Variants in PAPPA observed in about 807,000 individuals in gnomAD.
The protein encoded by PAPPA is pappalysin 1.
A neutral mutation model predicts 164.0 loss-of-function variants in PAPPA; 60 were observed. That is an observed-to-expected ratio of 0.37 (90% CI 0.30 to 0.45). The LOEUF is 0.45. Among genes scored for constraint, PAPPA ranks in the 20% least tolerant of loss-of-function variants. The pLI is 1.00. For missense variants in PAPPA, 1,782 were observed against 2,087.3 expected (o/e 0.85, Z 2.85); for synonymous variants, 875 against 814.1 (o/e 1.07, Z -1.27).
At chr9:116,338,601 G>A (rs190878600) in intron 13 of PAPPA, among the ~76,000 whole-genome samples, 164 of 152,262 alleles carry the variant, frequency 1.1e-3, no homozygotes, top group African/African-American at 3.7e-3. Flanking sequence ...TGCTCAGATC[G>A]CTGCCATAAC....
chr9:116,363,746 C>T (rs1281960525), intron 18 of PAPPA, among the ~76,000 whole-genome samples: 1 of 152,182 alleles, frequency 6.6e-6, no homozygotes, highest in Non-Finnish European at 1.5e-5. Flanking sequence ...TGATCTTCAT[C>T]CAGCAAACAG....
At chr9:116,204,333 A>C (rs566571114) in intron 2 of PAPPA, among the ~76,000 whole-genome samples, 1 of 152,186 alleles carries the variant, frequency 6.6e-6, no homozygotes, top group East Asian at 1.9e-4. Context: ...CAACTTGCCC[A>C]TAGATATAGG....
At chr9:116,353,826 G>A in intron 17 of PAPPA, 33 bp downstream of exon 17, 1 of 1,564,214 alleles carries the variant, frequency 6.4e-7, no homozygotes, top group African/African-American at 1.4e-5. Context: ...TTGATACCAT[G>A]GTCCCTTTCC....
At chr9:116,365,112 T>C (rs963259942) in intron 18 of PAPPA, among the ~76,000 whole-genome samples, 4 of 152,200 alleles carry the variant, frequency 2.6e-5, no homozygotes, top group African/African-American at 9.6e-5. Flanking sequence ...CCTCCCAGGC[T>C]GAGCCCTTCC....
intron 17 of PAPPA, among the ~76,000 whole-genome samples, chr9:116,360,569 A>G (rs371427452): frequency 6.6e-6 from 1 of 152,114 alleles, no homozygotes; most frequent in South Asian, 2.1e-4. Flanking sequence ...TCATACATTC[A>G]TTCATAATTT....
At chr9:116,224,660 A>G (rs569150049) in intron 5 of PAPPA, among the ~76,000 whole-genome samples, 1 of 152,362 alleles carries the variant, frequency 6.6e-6, no homozygotes, top group South Asian at 2.1e-4. Flanking sequence ...CTAAGATTAT[A>G]GCCATTAGCC....
At position 116,398,447 on chromosome 9, in the gene PAPPA, C is replaced by T. The variant is rs1451332906; in HGVS notation, c.*1831C>T. The T allele has an allele frequency of 7.5e-6, 4 of 531,130 alleles. No homozygotes were observed. The highest frequency in any genetic ancestry group is 8.7e-6 in the Non-Finnish European group (3 of 344,590). 32.9% of individuals were successfully genotyped at this position (531,130 alleles called of 1,614,324 possible). A position where few individuals can be genotyped will look rare whatever the true frequency, so the allele number is the denominator to read the frequency against. ...TGCAGCCCCACCTAATTCCTGCATC[C>T]AAGGCAGGTGTTGTTAATCTATCAT... is the stretch of plus-strand genomic sequence containing the variant. On this transcript the variant is annotated 3_prime_UTR_variant, in exon 22 of 22. Transcript: ENST00000328252.
intron 1 of PAPPA, among the ~76,000 whole-genome samples, chr9:116,163,111 G>C (rs926031674): frequency 3.9e-5 from 6 of 152,324 alleles, no homozygotes; most frequent in Non-Finnish European, 8.8e-5. Flanking sequence ...CTTGAGGACA[G>C]ACCAGTCAAC....
Position 116,271,835 on chromosome 9 carries a change from G to T in PAPPA, c.2953+419G>T, listed in dbSNP as rs868480476. On this transcript the variant is annotated intron_variant, in intron 9 of 21. Transcript: ENST00000328252. The surrounding 1 kb of genome is among the most constrained non-coding windows in gnomAD (Gnocchi z 4.2). The stretch of plus-strand genomic sequence containing the variant: ...TTGTCCAGAGTTATACAGGTCAAAA[G>T]TGATTAAAGACAGAATCAGGACTTG... Among the ~76,000 whole-genome samples the T allele has an allele frequency of 2.0e-5, 3 of 152,172 alleles. No individual in the cohort carries two copies. The highest frequency in any genetic ancestry group is 4.1e-4 in the South Asian group (2 of 4,824).
intron 10 of PAPPA, among the ~76,000 whole-genome samples, chr9:116,308,318 A>G (rs7046553): frequency 0.096 from 14,658 of 152,236 alleles, 764 homozygotes; most frequent in South Asian, 0.15. Flanking sequence ...CTCAGCCAGT[A>G]GTGATGAGAG....
At chr9:116,363,705 GA>G (rs1212297075) in intron 18 of PAPPA, among the ~76,000 whole-genome samples, 1 of 152,208 alleles carries the variant, frequency 6.6e-6, no homozygotes, top group African/African-American at 2.4e-5. Context: ...GTCTGGTGTA[GA>G]AGGTTATCTG....
chr9:116,380,871 A>G (rs1846721932), intron 20 of PAPPA, among the ~76,000 whole-genome samples: 1 of 152,260 alleles, frequency 6.6e-6, no homozygotes, highest in African/African-American at 2.4e-5. Context: ...CAGGAATGCC[A>G]CATGGGATGG....
chr9:116,333,723 CA>C (rs1846022731), intron 12 of PAPPA, among the ~76,000 whole-genome samples: 1 of 152,184 alleles, frequency 6.6e-6, no homozygotes, highest in African/African-American at 2.4e-5. Context: ...AAGTGAGAAA[CA>C]AATATTTTCA....
chr9:116,185,884 G>A (rs927267749), intron 1 of PAPPA, among the ~76,000 whole-genome samples: 3 of 152,152 alleles, frequency 2.0e-5, no homozygotes, highest in African/African-American at 2.4e-5. Flanking sequence ...TAGCCCAGAT[G>A]CCTGATGATT....
chr9:116,163,018 C>G (rs1490637939), intron 1 of PAPPA, among the ~76,000 whole-genome samples: 1 of 152,048 alleles, frequency 6.6e-6, no homozygotes, highest in South Asian at 2.1e-4. Flanking sequence ...AACAAGAGAC[C>G]AGGTAAAATT....
intron 9 of PAPPA, among the ~76,000 whole-genome samples, chr9:116,289,266 TATAGCATATATATAGCATATAAATA>T (rs1845396052): frequency 8.4e-6 from 1 of 119,104 alleles, no homozygotes; most frequent in East Asian, 2.2e-4. Flanking sequence ...AGCATATATA[TATAGCATATATATAGCATATAAATA>T]GCATATATAT....
intron 1 of PAPPA, among the ~76,000 whole-genome samples, chr9:116,174,281 C>G (rs1320556770): frequency 6.6e-6 from 1 of 151,580 alleles, no homozygotes; most frequent in Non-Finnish European, 1.5e-5. Flanking sequence ...TGGCCTTGTC[C>G]CTTTCTTATC....
chr9:116,376,028 T>A (rs1362905792), intron 19 of PAPPA, among the ~76,000 whole-genome samples: 1 of 150,818 alleles, frequency 6.6e-6, no homozygotes, highest in African/African-American at 2.4e-5. Context: ...AGGATTTTTT[T>A]TTTTTTTTTT....
chr9:116,349,125 A>AC (rs1282400620), intron 15 of PAPPA, among the ~76,000 whole-genome samples: 1 of 131,748 alleles, frequency 7.6e-6, no homozygotes, highest in African/African-American at 2.8e-5. Context: ...TACCAAGTCT[A>AC]CCCCCCTGCT....
Sources: gnomAD v4.1 joint callset for allele counts (sites outside exome capture counted in the v4.1 genomes callset) on GRCh38, gnomAD v4.1.1 for gene constraint, Gnocchi (gnomAD v3.1) non-coding constraint, MANE v1.5 for transcripts, NCBI Gene and HGNC (gene_info 2026-07-23, HGNC 2026-07-21) for gene names.